Variants in KPNA5 observed in about 807,000 individuals in gnomAD.
KPNA5 encodes the protein importin subunit alpha-6.
KPNA5 carries 46 observed loss-of-function variants against 71.3 expected under a neutral mutation model. That is an observed-to-expected ratio of 0.65 (90% CI 0.51 to 0.83). The LOEUF (loss-of-function observed/expected upper bound fraction) is 0.83. KPNA5 is among the 40% of genes least tolerant of loss of function. KPNA5 has a pLI of 0.00. For missense variants in KPNA5, 547 were observed against 628.3 expected (o/e 0.87, Z 1.38); for synonymous variants, 207 against 201.4 (o/e 1.03, Z -0.24).
In KPNA5 at chr6:116,733,113, T is replaced by C. The variant is rs537522351; in HGVS notation, c.*790T>C. 5 of 151,932 alleles carry C rather than the reference T, an allele frequency of 3.3e-5. No homozygotes were observed. The East Asian group carries it at 9.6e-4, about 29-fold the overall frequency. 9.4% of individuals were successfully genotyped at this position (151,932 alleles called of 1,614,324 possible). On this transcript the variant is annotated 3_prime_UTR_variant, in exon 14 of 14. Coordinates refer to ENST00000368564, the MANE Select transcript of KPNA5 (RefSeq NM_001366306.2). Reference sequence around the variant, plus strand: ...TATGCTACCATTTTTGAAATAGTGTTTTATTGTTTTTCACTCATTGTTTTA... The same window carrying C: ...TATGCTACCATTTTTGAAATAGTGTCTTATTGTTTTTCACTCATTGTTTTA...
At chr6:116,732,072 G>GC (rs1779502916) in intron 13 of KPNA5, 64 bp from the exon 14 acceptor site, 1 of 69,442 alleles carries the variant, frequency 1.4e-5, no homozygotes, top group Non-Finnish European at 2.6e-5. Flanking sequence ...GTAACAGTTT[G>GC]TTTATATATA....
rs867159999 is a variant in KPNA5, at chr6:116,683,212, A to G, written c.4+1874A>G. Among the ~76,000 whole-genome samples, 4 of 152,246 alleles carry G rather than the reference A, an allele frequency of 2.6e-5. No homozygotes were observed. In the South Asian group the frequency reaches 6.2e-4, roughly 24 times the overall value. On this transcript the variant is annotated intron_variant, in intron 1 of 13. Coordinates refer to ENST00000368564, the MANE Select transcript of KPNA5 (RefSeq NM_001366306.2). ...AAAATTTCTGTTTTTTGTGAATTTTATGCTAGAGTAGTATATTAGAATAGT... is the reference window on the plus strand; with the variant it reads ...AAAATTTCTGTTTTTTGTGAATTTTGTGCTAGAGTAGTATATTAGAATAGT...
Position 116,732,769 on chromosome 6 carries a change from T to TA in KPNA5, c.*451dup, listed in dbSNP as rs1340585667. 1 of 151,776 alleles carries TA rather than the reference T, an allele frequency of 6.6e-6. No individual in the cohort carries two copies. The highest frequency in any genetic ancestry group is 6.6e-5 in the Admixed American group (1 of 15,200). 9.4% of individuals were successfully genotyped at this position (151,776 alleles called of 1,614,324 possible). On this transcript the variant is annotated 3_prime_UTR_variant, in exon 14 of 14. Transcript: ENST00000368564. ...ATCTACCTCTATCTTGAAGCAGAAA[T>TA]AAAAACAAAAAAGCTTCAGAAGCAT...
intron 5 of KPNA5, among the ~76,000 whole-genome samples, chr6:116,699,033 TTAA>T: frequency 6.6e-6 from 1 of 152,098 alleles, no homozygotes; most frequent in East Asian, 1.9e-4. Context: ...ATTACTAATG[TTAA>T]TAAACAATTT....
At chr6:116,686,923 G>A (rs1295422374) in intron 1 of KPNA5, among the ~76,000 whole-genome samples, 2 of 152,118 alleles carry the variant, frequency 1.3e-5, no homozygotes, top group African/African-American at 2.4e-5. Context: ...TGCTGTTTTG[G>A]TTACTGTAGC....
intron 4 of KPNA5, among the ~76,000 whole-genome samples, chr6:116,697,523 A>G (rs1778072736): frequency 1.3e-5 from 2 of 152,120 alleles, no homozygotes; most frequent in African/African-American, 2.4e-5. Context: ...TAATGAAAAC[A>G]TTTTTCTATA....
chr6:116,721,558 A>T (rs961326693), intron 8 of KPNA5, among the ~76,000 whole-genome samples: 5 of 152,174 alleles, frequency 3.3e-5, no homozygotes, highest in South Asian at 2.1e-4. Context: ...ATGGGAATTT[A>T]AAAAAAGCCA....
At chr6:116,698,008 A>G (rs1265502249) in intron 4 of KPNA5, among the ~76,000 whole-genome samples, 1 of 152,030 alleles carries the variant, frequency 6.6e-6, no homozygotes, top group African/African-American at 2.4e-5. Flanking sequence ...TTCTAAGATG[A>G]GAATAAACAG....
At chr6:116,698,517 G>A (rs1205343540) in intron 4 of KPNA5, among the ~76,000 whole-genome samples, 187 bp from the exon 5 acceptor site, 1 of 151,988 alleles carries the variant, frequency 6.6e-6, no homozygotes, top group African/African-American at 2.4e-5. Flanking sequence ...AGCGGAATTT[G>A]CAAAATGTAC....
chr6:116,730,612 C>CT (rs1779447005), intron 13 of KPNA5, among the ~76,000 whole-genome samples: 1 of 151,986 alleles, frequency 6.6e-6, no homozygotes, highest in Non-Finnish European at 1.5e-5. Flanking sequence ...CTTTTGATGT[C>CT]TTCTCATTTT....
At chr6:116,686,360 G>A (rs1326476605) in intron 1 of KPNA5, among the ~76,000 whole-genome samples, 1 of 152,080 alleles carries the variant, frequency 6.6e-6, no homozygotes, top group East Asian at 1.9e-4. Flanking sequence ...TTTGAAAAGT[G>A]TCTGTTCATG....
intron 9 of KPNA5, 108 bp downstream of exon 9, chr6:116,722,397 T>A: frequency 1.0e-6 from 1 of 961,210 alleles, no homozygotes; most frequent in East Asian, 2.8e-5. Flanking sequence ...CAGGGAAAAT[T>A]AAAAAGCTAC....
At chr6:116,729,158 CGTGT>C (rs150925835) in intron 12 of KPNA5, among the ~76,000 whole-genome samples, 16,096 of 111,996 alleles carry the variant, frequency 0.14, 1,087 homozygotes, top group South Asian at 0.21. Flanking sequence ...ATATGACCTC[CGTGT>C]GTGTGTGTGT....
Position 116,697,919 on chromosome 6 carries a change from C to T in KPNA5, c.341-785C>T, listed in dbSNP as rs111645283. On this transcript the variant is annotated intron_variant, in intron 4 of 13. Coordinates refer to ENST00000368564, the MANE Select transcript of KPNA5 (RefSeq NM_001366306.2). ...GTCTGAAATCTAGGAAAGGAGAATTCGGTTAAGGTTGTAAGGTCTGTGAAT... is the reference window on the plus strand; with the variant it reads ...GTCTGAAATCTAGGAAAGGAGAATTTGGTTAAGGTTGTAAGGTCTGTGAAT... Among the ~76,000 whole-genome samples, 433 of 151,990 alleles carry T rather than the reference C, an allele frequency of 2.8e-3. 4 individuals carry two copies. The highest frequency in any genetic ancestry group is 0.01 in the African/African-American group (416 of 41,510).
chr6:116,688,043 T>C lies in KPNA5; in HGVS notation c.5-1277T>C, dbSNP rs180889319. Among the ~76,000 whole-genome samples the C allele has an allele frequency of 2.0e-5, 3 of 152,286 alleles. No homozygotes were observed. The East Asian group carries it at 5.8e-4, about 29-fold the overall frequency. On this transcript the variant is annotated intron_variant, in intron 1 of 13. Coordinates refer to ENST00000368564, the MANE Select transcript of KPNA5 (RefSeq NM_001366306.2). ...CTTAGTCTCTTACTGTTCTTGGTTA[T>C]GCAAGGCTTCTTCAAAAACTTTGCC...
intron 8 of KPNA5, among the ~76,000 whole-genome samples, chr6:116,717,731 T>TTA (rs1391757120): frequency 5.3e-5 from 8 of 152,092 alleles, no homozygotes; most frequent in African/African-American, 1.9e-4. Context: ...TCCTAGGACT[T>TTA]TATAGACTGG....
rs747848531 is a variant in KPNA5, at chr6:116,692,345, A to ATCAACAGCTAACAGCAACACAGAAATTT, written c.294_321dup (p.Arg108SerfsTer10). The ATCAACAGCTAACAGCAACACAGAAATTT allele has an allele frequency of 1.2e-6, 2 of 1,606,200 alleles. No homozygotes were observed. Among genetic ancestry groups the ATCAACAGCTAACAGCAACACAGAAATTT allele is most frequent in the Non-Finnish European group, 1.7e-6 (2 of 1,177,764 alleles). On this transcript the variant is annotated frameshift_variant, in exon 4 of 14. Coordinates refer to ENST00000368564, the MANE Select transcript of KPNA5 (RefSeq NM_001366306.2). LOFTEE classifies it high-confidence loss of function. ...CAGATGATTTTTTCTAATAATGCTG[A>ATCAACAGCTAACAGCAACACAGAAATTT]TCAACAGCTAACAGCAACACAGAAA...
At chr6:116,686,216 C>A (rs1231176384) in intron 1 of KPNA5, among the ~76,000 whole-genome samples, 1 of 152,060 alleles carries the variant, frequency 6.6e-6, no homozygotes, top group Non-Finnish European at 1.5e-5. Flanking sequence ...CCATACCTGG[C>A]TCATTTTGAC....
intron 5 of KPNA5, among the ~76,000 whole-genome samples, 200 bp downstream of exon 5, chr6:116,698,998 A>C (rs994077861): frequency 6.6e-6 from 1 of 152,058 alleles, no homozygotes; most frequent in Non-Finnish European, 1.5e-5. Flanking sequence ...TTTATTAAGC[A>C]ATTTTGGAAA....
Sources: gnomAD v4.1 joint callset for allele counts (sites outside exome capture counted in the v4.1 genomes callset) on GRCh38, gnomAD v4.1.1 for gene constraint, MANE v1.5 for transcripts, NCBI Gene and HGNC (gene_info 2026-07-23, HGNC 2026-07-21) for gene names.